The following CFAP100 variants were observed in gnomAD, a reference collection of about 807,000 sequenced individuals.
CFAP100 encodes the protein cilia- and flagella-associated protein 100.
Under a neutral mutation model 81.5 loss-of-function variants are expected in CFAP100, and 70 were observed. The ratio of observed to expected loss-of-function variants is 0.86; its 90% CI spans 0.71 to 1.05. The LOEUF (loss-of-function observed/expected upper bound fraction) is 1.05, where lower values mean the gene tolerates loss of function less well. CFAP100 is among the 50% of genes least tolerant of loss of function. CFAP100 has a pLI of 0.00. For missense variants in CFAP100, 811 were observed against 776.5 expected (o/e 1.04, Z -0.53); for synonymous variants, 341 against 314.8 (o/e 1.08, Z -0.88).
rs754468479 is a variant in CFAP100, at chr3:126,423,276, T to C, written c.1083-49T>C. ...CCTCTGTGCCCCCTCCCCTGGCTCC[T>C]GTCTGCTCAGGCTGGTCCCAGAGTC... On this transcript the variant is annotated intron_variant, in intron 11 of 16. Coordinates refer to ENST00000352312, the MANE Select transcript of CFAP100 (RefSeq NM_182628.3). 2.6e-6 allele frequency: 4 copies of C among 1,536,386 alleles called. No homozygotes were observed. In the African/African-American group the frequency reaches 5.5e-5, roughly 21 times the overall value.
intron 13 of CFAP100, among the ~76,000 whole-genome samples, chr3:126,432,135 C>T (rs1025300821): frequency 2.6e-5 from 4 of 151,700 alleles, no homozygotes; most frequent in Admixed American, 1.3e-4. Flanking sequence ...AAAAATTAGC[C>T]GGGCGTGGTG....
At chr3:126,409,700 A>G (rs893251168) in intron 3 of CFAP100, among the ~76,000 whole-genome samples, 2 of 152,158 alleles carry the variant, frequency 1.3e-5, no homozygotes, top group African/African-American at 4.8e-5. Context: ...GCCTTTTCAT[A>G]TAGTTCTGGG....
intron 12 of CFAP100, 39 bp downstream of exon 12, chr3:126,423,415 C>T: frequency 6.2e-7 from 1 of 1,607,916 alleles, no homozygotes; most frequent in Non-Finnish European, 8.5e-7. Context: ...CGGAAGTCGC[C>T]CCTCTCTTTC....
Position 126,396,023 on chromosome 3 carries a change from T to C in CFAP100, c.23T>C (p.Ile8Thr), listed in dbSNP as rs188479152. MSEIPST[I>T]VSKNMTNDKN... ...AAGATGTCTGAGATACCGTCCACTA[T>C]AGTCTCCAAGAACATGACCAATGAC... The change falls in exon 2 of 17, where the codon ATA (isoleucine) becomes ACA (threonine). Residue 8 changes from isoleucine to threonine, a missense_variant. Transcript: ENST00000352312. The C allele has an allele frequency of 2.6e-5, 42 of 1,614,080 alleles. No homozygotes were observed. Among genetic ancestry groups the C allele is most frequent in the Admixed American group, 2.3e-4 (14 of 60,032 alleles).
chr3:126,407,458 C>T (rs372731646), intron 3 of CFAP100, among the ~76,000 whole-genome samples: 10 of 152,160 alleles, frequency 6.6e-5, no homozygotes, highest in South Asian at 2.1e-4. Context: ...AAATGTGGGA[C>T]GAAATGCAGA....
chr3:126,416,003 C>A (rs1243250892), intron 4 of CFAP100, among the ~76,000 whole-genome samples: 1 of 152,228 alleles, frequency 6.6e-6, no homozygotes. Flanking sequence ...ATACGGCTCT[C>A]ACTTAAATGT....
intron 3 of CFAP100, among the ~76,000 whole-genome samples, chr3:126,413,273 G>A (rs1436300120): frequency 1.3e-5 from 2 of 152,164 alleles, no homozygotes; most frequent in Admixed American, 1.3e-4. Flanking sequence ...GCTGTGCCAG[G>A]CTGCACCTCC....
chr3:126,418,961 C>A, intron 7 of CFAP100, 115 bp from the exon 8 acceptor site: 2 of 985,916 alleles, frequency 2.0e-6, no homozygotes, highest in Non-Finnish European at 3.0e-6. Context: ...GCTCTCCAGC[C>A]CTGTCCGGAG....
chr3:126,418,974 G>C, intron 7 of CFAP100, 102 bp from the exon 8 acceptor site: 1 of 984,312 alleles, frequency 1.0e-6, no homozygotes, highest in Non-Finnish European at 1.5e-6. Context: ...GTCCGGAGCC[G>C]GGCCCAGCCC....
At chr3:126,412,232 T>A (rs1172845249) in intron 3 of CFAP100, among the ~76,000 whole-genome samples, 1 of 152,262 alleles carries the variant, frequency 6.6e-6, no homozygotes, top group African/African-American at 2.4e-5. Flanking sequence ...TGGCTTCTCT[T>A]CCTGCACTCC....
At chr3:126,413,860 G>A (rs1473885540) in intron 3 of CFAP100, among the ~76,000 whole-genome samples, 1 of 152,242 alleles carries the variant, frequency 6.6e-6, no homozygotes, top group Non-Finnish European at 1.5e-5. Context: ...TCTCTTTCAG[G>A]GGCCAGGGAC....
At chr3:126,422,926 G>A (rs2107611304) in intron 11 of CFAP100, among the ~76,000 whole-genome samples, 1 of 152,226 alleles carries the variant, frequency 6.6e-6, no homozygotes, top group African/African-American at 2.4e-5. Context: ...CAGGGCAGAG[G>A]GGCTGGGGAA....
Position 126,410,291 on chromosome 3 carries a change from C to T in CFAP100, c.130+3039C>T, listed in dbSNP as rs114551180. Among the ~76,000 whole-genome samples the T allele has an allele frequency of 4.0e-3, 605 of 152,250 alleles. 6 individuals carry two copies. Among genetic ancestry groups the T allele is most frequent in the African/African-American group, 0.014 (566 of 41,552 alleles). ...GCTTTTAGTGTCTTATTTTAAAACTCTTTAGTGACCCCCAAGGTCATGATA... is the reference window on the plus strand; with the variant it reads ...GCTTTTAGTGTCTTATTTTAAAACTTTTTAGTGACCCCCAAGGTCATGATA... On this transcript the variant is annotated intron_variant, in intron 3 of 16. Transcript: ENST00000352312.
chr3:126,401,869 T>C (rs936679688), intron 2 of CFAP100, among the ~76,000 whole-genome samples: 4 of 152,128 alleles, frequency 2.6e-5, no homozygotes, highest in Non-Finnish European at 4.4e-5. Flanking sequence ...CTGCCAGCCA[T>C]GCTGGCCCCA....
chr3:126,401,828 G>C (rs1025208261), intron 2 of CFAP100, among the ~76,000 whole-genome samples: 1 of 152,088 alleles, frequency 6.6e-6, no homozygotes, highest in Admixed American at 6.5e-5. Flanking sequence ...GCTCCCAAGG[G>C]CCTCATCCCT....
At chr3:126,401,135 G>A (rs1243333310) in intron 2 of CFAP100, among the ~76,000 whole-genome samples, 1 of 151,904 alleles carries the variant, frequency 6.6e-6, no homozygotes, top group Non-Finnish European at 1.5e-5. Flanking sequence ...GGAGCAGTCA[G>A]AGTCATAGAG....
intron 13 of CFAP100, among the ~76,000 whole-genome samples, chr3:126,431,720 A>C (rs746286903): frequency 1.4e-5 from 2 of 146,554 alleles, no homozygotes; most frequent in African/African-American, 5.0e-5. Flanking sequence ...CTATCAATAA[A>C]ATCAATCTAT....
At chr3:126,408,809 G>T (rs1249920172) in intron 3 of CFAP100, among the ~76,000 whole-genome samples, 3 of 152,080 alleles carry the variant, frequency 2.0e-5, no homozygotes, top group Non-Finnish European at 1.5e-5. Flanking sequence ...TTGAGACAGG[G>T]TCTCACACTG....
At chr3:126,428,030 T>C (rs980958682) in intron 13 of CFAP100, among the ~76,000 whole-genome samples, 2 of 152,182 alleles carry the variant, frequency 1.3e-5, no homozygotes, top group African/African-American at 4.8e-5. Flanking sequence ...CATGAGAAAC[T>C]GCCCCCATGA....
Sources: gnomAD v4.1 joint callset for allele counts (sites outside exome capture counted in the v4.1 genomes callset) on GRCh38, gnomAD v4.1.1 for gene constraint, MANE v1.5 for transcripts, NCBI Gene and HGNC (gene_info 2026-07-23, HGNC 2026-07-21) for gene names.